AGBL1: variants seen among roughly 807,000 people sequenced by gnomAD.
AGBL1 encodes the protein AGBL carboxypeptidase 1, also known as cytosolic carboxypeptidase 4.
Under a neutral mutation model 118.9 loss-of-function variants are expected in AGBL1, and 130 were observed. That is an observed-to-expected ratio of 1.09 (90% CI 0.95 to 1.26). AGBL1 has a LOEUF of 1.26. Among genes scored for constraint, AGBL1 ranks in the 50% most tolerant of loss-of-function variants. The pLI, the probability that AGBL1 is intolerant of heterozygous loss-of-function variation, is 0.00. For synonymous variants in AGBL1, 555 were observed against 478.9 expected, an observed-to-expected ratio of 1.16 and a Z score of -2.08; for missense variants, 1,584 against 1,298.1, an observed-to-expected ratio of 1.22 and a Z score of -3.38.
chr15:86,371,881 A>AG (rs1368665819), intron 17 of AGBL1, among the ~76,000 whole-genome samples: 1 of 152,024 alleles, frequency 6.6e-6, no homozygotes, highest in Non-Finnish European at 1.5e-5. Flanking sequence ...GGCTGCTTGT[A>AG]GGGGGGAGGT....
chr15:86,080,021 C>T lies in AGBL1; in HGVS notation c.49C>T (p.Gln17Ter). The T allele has an allele frequency of 4.1e-6, 5 of 1,232,172 alleles. No individual in the cohort carries two copies. The highest frequency in any genetic ancestry group is 4.0e-6 in the Non-Finnish European group (4 of 988,014). The allele number at this position is 1,232,172 out of a possible 1,614,324, so 76.3% of individuals were successfully genotyped here. A position where few individuals can be genotyped will look rare whatever the true frequency, so the allele number is the denominator to read the frequency against. Residue 17 changes from glutamine to a stop codon, truncating the protein, a stop_gained and splice_region_variant, in exon 1 of 23, where the codon CAG (glutamine) becomes TAG (stop). Transcript: ENST00000614907. LOFTEE classifies it high-confidence loss of function. Reference protein sequence around the residue: ...SGLQVLLHTLQSSSDKESILT... With the variant: ...SGLQVLLHTL ...GCTACAGGTCCTGCTGCACACGCTT[C>T]AGGTAGGAAAGGGTAGAGTGGGTGC...
intron 23 of AGBL1, chr15:86,946,078 A>G (rs2080816883): frequency 1.3e-5 from 2 of 152,256 alleles, no homozygotes; most frequent in Non-Finnish European, 2.9e-5. Flanking sequence ...AGGTGGGGTG[A>G]GAATTATAAC....
At chr15:86,383,169 G>A (rs2081135352) in intron 17 of AGBL1, among the ~76,000 whole-genome samples, 1 of 143,090 alleles carries the variant, frequency 7.0e-6, no homozygotes, top group Admixed American at 7.5e-5. Flanking sequence ...GTCTTAAATA[G>A]CCGGAGCTGG....
intron 22 of AGBL1, among the ~76,000 whole-genome samples, chr15:86,735,160 C>A (rs1286505343): frequency 6.6e-6 from 1 of 152,056 alleles, no homozygotes; most frequent in Non-Finnish European, 1.5e-5. Context: ...TGGCTCACTA[C>A]AACCTCCGCC....
chr15:86,711,492 C>G (rs2086555416), intron 22 of AGBL1, among the ~76,000 whole-genome samples: 1 of 152,116 alleles, frequency 6.6e-6, no homozygotes, highest in Non-Finnish European at 1.5e-5. Flanking sequence ...TAGTCACTGC[C>G]TCCTCTTATA....
At chr15:86,174,130 C>T (rs756393665) in intron 5 of AGBL1, among the ~76,000 whole-genome samples, 11 of 151,984 alleles carry the variant, frequency 7.2e-5, no homozygotes, top group Non-Finnish European at 1.3e-4. Flanking sequence ...ATTTCTTCAT[C>T]AGTGTTTTGT....
chr15:86,591,141 A>G (rs145907019), intron 21 of AGBL1, among the ~76,000 whole-genome samples: 1 of 152,262 alleles, frequency 6.6e-6, no homozygotes, highest in Non-Finnish European at 1.5e-5. Context: ...AATTTGTGTG[A>G]TTGTTTTCTC....
intron 22 of AGBL1, among the ~76,000 whole-genome samples, chr15:86,780,701 G>A (rs1483141639): frequency 1.7e-4 from 24 of 142,340 alleles, no homozygotes; most frequent in South Asian, 2.2e-4. Flanking sequence ...TCGCTCTGTC[G>A]CCCAGGCTGG....
At chr15:86,633,075 A>G (rs750428651) in intron 21 of AGBL1, among the ~76,000 whole-genome samples, 13 of 152,196 alleles carry the variant, frequency 8.5e-5, no homozygotes, top group Non-Finnish European at 1.3e-4. Flanking sequence ...AAATAAATCT[A>G]CACTTAGACA....
At chr15:86,744,575 A>G (rs1031136812) in intron 22 of AGBL1, among the ~76,000 whole-genome samples, 1 of 152,124 alleles carries the variant, frequency 6.6e-6, no homozygotes. Flanking sequence ...CAAAGGGCAG[A>G]GGCACCTTTC....
At chr15:86,559,891 C>T (rs1350899927) in intron 21 of AGBL1, among the ~76,000 whole-genome samples, 1 of 152,108 alleles carries the variant, frequency 6.6e-6, no homozygotes, top group African/African-American at 2.4e-5. Flanking sequence ...AGGAGACCCA[C>T]CTTCTGCACT....
intron 23 of AGBL1, among the ~76,000 whole-genome samples, chr15:86,960,389 C>T (rs936142458): frequency 6.6e-6 from 1 of 151,906 alleles, no homozygotes; most frequent in African/African-American, 2.4e-5. Context: ...TTGAAATGAG[C>T]CAAATCCACC....
intron 23 of AGBL1, among the ~76,000 whole-genome samples, chr15:86,966,444 G>C (rs1596684536): frequency 6.6e-6 from 1 of 151,696 alleles, no homozygotes; most frequent in Non-Finnish European, 1.5e-5. Context: ...CATTTAACAT[G>C]AGGTATATCT....
intron 22 of AGBL1, among the ~76,000 whole-genome samples, chr15:86,896,728 T>G (rs1464595211): frequency 6.6e-6 from 1 of 152,200 alleles, no homozygotes; most frequent in Non-Finnish European, 1.5e-5. Context: ...TTCTTATTTT[T>G]ATTAGTTATA....
intron 22 of AGBL1, among the ~76,000 whole-genome samples, chr15:86,792,433 A>C (rs1214249655): frequency 6.6e-6 from 1 of 152,246 alleles, no homozygotes; most frequent in Non-Finnish European, 1.5e-5. Flanking sequence ...ATGTCAAGCA[A>C]GGAATGAACA....
intron 23 of AGBL1, among the ~76,000 whole-genome samples, chr15:86,952,607 T>C (rs984421320): frequency 1.8e-4 from 27 of 152,160 alleles, no homozygotes; most frequent in African/African-American, 6.5e-4. Flanking sequence ...GCATAGTTTT[T>C]GAAATATTTT....
At chr15:86,401,348 A>G (rs2081442487) in intron 18 of AGBL1, among the ~76,000 whole-genome samples, 2 of 152,188 alleles carry the variant, frequency 1.3e-5, no homozygotes, top group South Asian at 4.1e-4. Context: ...GATTTTAGAT[A>G]TTAGTCCTTC....
intron 13 of AGBL1, 74 bp from the exon 14 acceptor site, chr15:86,269,845 T>G: frequency 2.6e-6 from 4 of 1,521,648 alleles, no homozygotes; most frequent in Non-Finnish European, 2.7e-6. Context: ...AACTGAAACG[T>G]GTAGATTCTT....
chr15:86,113,842 C>A (rs1164050426), intron 1 of AGBL1, among the ~76,000 whole-genome samples: 3 of 152,234 alleles, frequency 2.0e-5, no homozygotes, highest in African/African-American at 7.2e-5. Context: ...CTCAAACTTG[C>A]TAGGTAGTCT....
Sources: gnomAD v4.1 joint callset for allele counts (sites outside exome capture counted in the v4.1 genomes callset) on GRCh38, gnomAD v4.1.1 for gene constraint, MANE v1.5 for transcripts, NCBI Gene and HGNC (gene_info 2026-07-23, HGNC 2026-07-21) for gene names.